CA10: variants seen among roughly 807,000 people sequenced by gnomAD.
CA10 encodes the protein carbonic anhydrase-related protein 10.
CA10 carries 14 observed loss-of-function variants against 44.2 expected under a neutral mutation model. The observed-to-expected ratio is 0.32, with a 90% CI of 0.21 to 0.50. CA10 has a LOEUF of 0.50. Among genes scored for constraint, CA10 ranks in the 20% least tolerant of loss-of-function variants. The pLI, the probability that CA10 is intolerant of heterozygous loss-of-function variation, is 0.99. For synonymous variants in CA10, 159 were observed against 141.6 expected (o/e 1.12, Z -0.87); for missense variants, 350 against 409.7 (o/e 0.85, Z 1.26).
chr17:51,920,947 C>A (rs1336901845), intron 3 of CA10, among the ~76,000 whole-genome samples: 2 of 152,160 alleles, frequency 1.3e-5, no homozygotes, highest in Non-Finnish European at 2.9e-5. Context: ...TGCTCTGAAT[C>A]CTTCATTCCA....
intron 3 of CA10, among the ~76,000 whole-genome samples, chr17:51,793,107 T>C (rs1224059623): frequency 6.6e-6 from 1 of 152,174 alleles, no homozygotes; most frequent in Non-Finnish European, 1.5e-5. Flanking sequence ...CCATCTTTCT[T>C]CTCTCTCTAT....
At chr17:52,079,386 G>C (rs1987904949) in intron 1 of CA10, among the ~76,000 whole-genome samples, 1 of 152,040 alleles carries the variant, frequency 6.6e-6, no homozygotes, top group East Asian at 1.9e-4. Context: ...TTCAACCCGG[G>C]AGACGGAGGT....
At chr17:52,076,102 T>C (rs959803652) in intron 1 of CA10, among the ~76,000 whole-genome samples, 2 of 152,178 alleles carry the variant, frequency 1.3e-5, no homozygotes, top group African/African-American at 4.8e-5. Context: ...GTTCTCAGAT[T>C]TTTAGATGCA....
chr17:51,853,877 A>C (rs749803497), intron 3 of CA10, among the ~76,000 whole-genome samples: 1 of 152,066 alleles, frequency 6.6e-6, no homozygotes, highest in Non-Finnish European at 1.5e-5. Context: ...CATGATTGTA[A>C]GTTTCCTAAG....
At chr17:51,676,873 C>T (rs995487873) in intron 4 of CA10, among the ~76,000 whole-genome samples, 1 of 152,128 alleles carries the variant, frequency 6.6e-6, no homozygotes, top group Non-Finnish European at 1.5e-5. Flanking sequence ...TGAGACTGTG[C>T]TCTTCTTTAC....
chr17:51,848,682 G>A (rs1368980536), intron 3 of CA10, among the ~76,000 whole-genome samples: 3 of 152,222 alleles, frequency 2.0e-5, no homozygotes, highest in Non-Finnish European at 2.9e-5. Context: ...TAGTCACTAT[G>A]TGAGTCAGTG....
chr17:51,921,152 C>A (rs1340334338), intron 3 of CA10, among the ~76,000 whole-genome samples: 2 of 152,142 alleles, frequency 1.3e-5, no homozygotes, highest in African/African-American at 4.8e-5. Flanking sequence ...ATATTCCACA[C>A]GTCCCATCTA....
intron 2 of CA10, among the ~76,000 whole-genome samples, chr17:52,046,551 A>C (rs923979001): frequency 1.3e-5 from 2 of 151,840 alleles, no homozygotes; most frequent in Non-Finnish European, 2.9e-5. Context: ...ATAACAATTC[A>C]AGATATTGAA....
chr17:51,808,555 A>C (rs1408446285), intron 3 of CA10, among the ~76,000 whole-genome samples: 1 of 152,204 alleles, frequency 6.6e-6, no homozygotes, highest in Non-Finnish European at 1.5e-5. Context: ...AGAAAAGCTT[A>C]CTGCTATTAT....
At chr17:51,956,098 G>T (rs948369564) in intron 2 of CA10, among the ~76,000 whole-genome samples, 8 of 152,026 alleles carry the variant, frequency 5.3e-5, no homozygotes, top group Non-Finnish European at 1.2e-4. Flanking sequence ...AAAGCATAAA[G>T]AATGATATTA....
At chr17:52,064,051 G>A (rs1283741324) in intron 2 of CA10, among the ~76,000 whole-genome samples, 1 of 152,220 alleles carries the variant, frequency 6.6e-6, no homozygotes, top group Non-Finnish European at 1.5e-5. Flanking sequence ...CTTTAAAAGA[G>A]AGTCTAGGCC....
At chr17:51,885,290 C>A (rs1260088517) in intron 3 of CA10, among the ~76,000 whole-genome samples, 1 of 152,086 alleles carries the variant, frequency 6.6e-6, no homozygotes, top group Non-Finnish European at 1.5e-5. Context: ...CTCCTCATGA[C>A]CAAGAGGACG....
chr17:51,743,765 C>T (rs1451928410), intron 4 of CA10, among the ~76,000 whole-genome samples: 1 of 152,204 alleles, frequency 6.6e-6, no homozygotes. Context: ...TAAACACATG[C>T]TTTCTTGCTA....
At chr17:51,715,798 C>A (rs1036013196) in intron 4 of CA10, among the ~76,000 whole-genome samples, 5 of 152,074 alleles carry the variant, frequency 3.3e-5, no homozygotes, top group Admixed American at 1.3e-4. Flanking sequence ...TCAAGCAATT[C>A]TCCTGCCACA....
At chr17:51,638,621 C>T (rs545478555) in intron 6 of CA10, among the ~76,000 whole-genome samples, 2 of 152,318 alleles carry the variant, frequency 1.3e-5, no homozygotes, top group South Asian at 4.1e-4. Flanking sequence ...CTGACTGCCT[C>T]TTAAGTCCCT....
intron 2 of CA10, among the ~76,000 whole-genome samples, chr17:52,060,479 G>A (rs1432936033): frequency 6.6e-6 from 1 of 152,148 alleles, no homozygotes; most frequent in Admixed American, 6.5e-5. Context: ...TATTGCTAAT[G>A]TAAGGCATTA....
At chr17:51,841,839 T>C (rs915669297) in intron 3 of CA10, among the ~76,000 whole-genome samples, 2 of 152,212 alleles carry the variant, frequency 1.3e-5, no homozygotes, top group Non-Finnish European at 1.5e-5. Flanking sequence ...CTGACTCCAC[T>C]TCACTGTGAC....
chr17:52,002,238 TA>T (rs1315518995), intron 2 of CA10, among the ~76,000 whole-genome samples: 1 of 150,894 alleles, frequency 6.6e-6, no homozygotes, highest in Non-Finnish European at 1.5e-5. Flanking sequence ...AAAAAAAAAA[TA>T]AAAAACATGA....
At chr17:51,806,513 T>G (rs1907145481) in intron 3 of CA10, among the ~76,000 whole-genome samples, 1 of 152,194 alleles carries the variant, frequency 6.6e-6, no homozygotes, top group African/African-American at 2.4e-5. Flanking sequence ...GGAAATACAA[T>G]AAACAAATAA....
Sources: gnomAD v4.1 joint callset for allele counts (sites outside exome capture counted in the v4.1 genomes callset) on GRCh38, gnomAD v4.1.1 for gene constraint, MANE v1.5 for transcripts, NCBI Gene and HGNC (gene_info 2026-07-23, HGNC 2026-07-21) for gene names.